GRIA3: variants seen among roughly 807,000 people sequenced by gnomAD.
GRIA3 encodes the protein glutamate ionotropic receptor AMPA type subunit 3, also known as glutamate receptor 3.
GRIA3 carries 3 observed loss-of-function variants against 63.0 expected under a neutral mutation model. The observed-to-expected ratio is 0.05, with a 90% confidence interval of 0.02 to 0.12. The LOEUF is 0.12. GRIA3 is among the 10% of genes least tolerant of loss of function. The probability of loss-of-function intolerance (pLI) is 1.00; values close to 1 mark genes in which losing one functional copy is unlikely to be tolerated. For synonymous variants in GRIA3, 274 were observed against 257.9 expected, an observed-to-expected ratio of 1.06 and a Z score of -0.60; for missense variants, 347 against 700.9, an observed-to-expected ratio of 0.50 and a Z score of 5.70.
At chrX:123,478,371 G>A (rs907567716) in intron 13 of GRIA3, among the ~76,000 whole-genome samples, 7 of 111,835 alleles carry the variant, frequency 6.3e-5, no homozygotes, top group East Asian at 2.8e-4. Context: ...CTGGGGTTCC[G>A]AGCATTGGTT....
intron 12 of GRIA3, among the ~76,000 whole-genome samples, chrX:123,451,735 G>A (rs2045733526): frequency 9.2e-6 from 1 of 108,220 alleles, no homozygotes; most frequent in South Asian, 4.1e-4. Context: ...AAATTGGAAG[G>A]TGCTGCCATT....
intron 3 of GRIA3, among the ~76,000 whole-genome samples, chrX:123,271,351 T>C (rs752988444): frequency 2.7e-5 from 3 of 112,150 alleles, no homozygotes; most frequent in Non-Finnish European, 5.6e-5. Flanking sequence ...TTTATCATCA[T>C]TCATACTTAA....
intron 2 of GRIA3, among the ~76,000 whole-genome samples, chrX:123,195,492 G>A (rs1439524295): frequency 8.9e-6 from 1 of 112,010 alleles, no homozygotes; most frequent in East Asian, 2.8e-4. Flanking sequence ...AATGCATATA[G>A]GGGCTACGCA....
At chrX:123,469,400 A>ATTATT (rs1187206100) in intron 13 of GRIA3, among the ~76,000 whole-genome samples, 4 of 111,725 alleles carry the variant, frequency 3.6e-5, no homozygotes, top group Admixed American at 9.5e-5. Context: ...CTAATGTTTT[A>ATTATT]TTATTTTATT....
At chrX:123,403,784 G>A (rs1386732731) in intron 9 of GRIA3, among the ~76,000 whole-genome samples, 1 of 111,460 alleles carries the variant, frequency 9.0e-6, no homozygotes, top group East Asian at 2.8e-4. Context: ...CGCCCGCATA[G>A]GACTGATGCT....
intron 2 of GRIA3, among the ~76,000 whole-genome samples, chrX:123,199,213 A>T (rs1165510501): frequency 9.0e-6 from 1 of 110,645 alleles, no homozygotes; most frequent in Non-Finnish European, 1.9e-5. Flanking sequence ...AGCTGATTCC[A>T]TAAGCATAGA....
intron 12 of GRIA3, among the ~76,000 whole-genome samples, chrX:123,463,737 GAGAA>G (rs1569440970): frequency 2.2e-4 from 21 of 96,342 alleles, no homozygotes; most frequent in Non-Finnish European, 3.5e-4. Context: ...AAAGAAGAGA[GAGAA>G]AGAAAGAAAA....
chrX:123,460,438 A>C lies in GRIA3; in HGVS notation c.2077-4427A>C, dbSNP rs375959058. Among the ~76,000 whole-genome samples, 9 of 112,253 alleles carry C rather than the reference A, an allele frequency of 8.0e-5. No individual in the cohort carries two copies. In the East Asian group the frequency reaches 2.5e-3, roughly 31 times the overall value. Reference sequence around the variant, plus strand: ...CCACTACAGGGTTTTCTATAATGCCAAAAATAATGGAAATTATCTAAGAGC... The same window carrying C: ...CCACTACAGGGTTTTCTATAATGCCCAAAATAATGGAAATTATCTAAGAGC... On this transcript the variant is annotated intron_variant, in intron 12 of 15. Transcript: ENST00000620443.
At chrX:123,414,449 T>C (rs1270711524) in intron 10 of GRIA3, among the ~76,000 whole-genome samples, 1 of 111,609 alleles carries the variant, frequency 9.0e-6, no homozygotes, top group Non-Finnish European at 1.9e-5. Flanking sequence ...ATACTTTAAG[T>C]TCTAGGGTAC....
At chrX:123,306,120 TC>T (rs1190037658) in intron 3 of GRIA3, among the ~76,000 whole-genome samples, 2 of 112,394 alleles carry the variant, frequency 1.8e-5, no homozygotes, top group East Asian at 5.6e-4. Flanking sequence ...TTCTTATTCA[TC>T]CCTTGGGTAT....
At chrX:123,231,538 G>A (rs1195689246) in intron 2 of GRIA3, among the ~76,000 whole-genome samples, 1 of 111,707 alleles carries the variant, frequency 9.0e-6, no homozygotes, top group Non-Finnish European at 1.9e-5. Flanking sequence ...TAAACAAATG[G>A]CAAATTAATT....
Position 123,431,968 on chromosome X carries a change from A to G in GRIA3, c.2076+3829A>G, listed in dbSNP as rs1226716213. Among the ~76,000 whole-genome samples, 3 of 111,758 alleles carry G rather than the reference A, an allele frequency of 2.7e-5. No individual in the cohort carries two copies. In the Admixed American group the frequency reaches 2.9e-4, roughly 11 times the overall value. On this transcript the variant is annotated intron_variant, in intron 12 of 15. Transcript: ENST00000620443. ...TTTACTTTTTTTTTTACTTCATAGT[A>G]TTTAACTTTACTTCAACTCTATTAT...
chrX:123,463,402 T>C (rs2045804715), intron 12 of GRIA3, among the ~76,000 whole-genome samples: 1 of 105,574 alleles, frequency 9.5e-6, no homozygotes, highest in Non-Finnish European at 1.9e-5. Context: ...TAAACAAAAT[T>C]AGCTGGGCTT....
intron 12 of GRIA3, among the ~76,000 whole-genome samples, chrX:123,459,305 T>C (rs1427480644): frequency 8.9e-6 from 1 of 111,942 alleles, no homozygotes; most frequent in Non-Finnish European, 1.9e-5. Context: ...AGAGAGCTAC[T>C]ATATGCACAA....
At chrX:123,454,987 T>C (rs1043608641) in intron 12 of GRIA3, among the ~76,000 whole-genome samples, 2 of 111,801 alleles carry the variant, frequency 1.8e-5, no homozygotes, top group Admixed American at 1.9e-4. Context: ...ACATCAGAAA[T>C]AGCCCTTCTT....
At chrX:123,234,841 C>A (rs2044294003) in intron 2 of GRIA3, among the ~76,000 whole-genome samples, 1 of 111,794 alleles carries the variant, frequency 8.9e-6, no homozygotes, top group East Asian at 2.8e-4. Context: ...ATGACAAAAT[C>A]TCTTCTAAAG....
chrX:123,326,272 C>T (rs1449726243), intron 4 of GRIA3, 59 bp downstream of exon 4: 1 of 927,053 alleles, frequency 1.1e-6, no homozygotes, highest in Non-Finnish European at 1.6e-6. Context: ...CCTAAGTCAG[C>T]TCCCATATCT....
intron 3 of GRIA3, among the ~76,000 whole-genome samples, chrX:123,270,586 C>T (rs760258297): frequency 8.9e-6 from 1 of 112,161 alleles, no homozygotes; most frequent in African/African-American, 3.2e-5. Context: ...TCTGAAAATA[C>T]GTTTTCTTTT....
intron 3 of GRIA3, 77 bp from the exon 4 acceptor site, chrX:123,325,943 GGACTGT>G: frequency 1.2e-6 from 1 of 824,698 alleles, no homozygotes; most frequent in Non-Finnish European, 1.8e-6. Context: ...GGCACCTGAT[GGACTGT>G]GACTAGAAAT....
Sources: allele counts gnomAD v4.1 joint callset (sites outside exome capture counted in the v4.1 genomes callset), GRCh38; gene constraint gnomAD v4.1.1; transcripts MANE v1.5; gene names NCBI Gene and HGNC (gene_info 2026-07-23, HGNC 2026-07-21).